The following ZNF761 variants were observed in gnomAD, a reference collection of about 807,000 sequenced individuals.
The protein encoded by ZNF761 is zinc finger protein 761.
Under a neutral mutation model 59.9 loss-of-function variants are expected in ZNF761, and 43 were observed. That is an observed-to-expected ratio of 0.72 (90% CI 0.56 to 0.92). ZNF761 has a LOEUF of 0.92. ZNF761 is among the 40% of genes least tolerant of loss of function. The pLI is 0.00. For missense variants in ZNF761, 850 were observed against 906.1 expected (o/e 0.94, Z 0.79); for synonymous variants, 294 against 304.8 (o/e 0.96, Z 0.37).
intron 1 of ZNF761, among the ~76,000 whole-genome samples, chr19:53,435,541 G>A (rs1367996015): frequency 6.6e-6 from 1 of 151,144 alleles, no homozygotes; most frequent in East Asian, 1.9e-4. Flanking sequence ...GACCTCAGGT[G>A]ATCCACCCAT....
intron 1 of ZNF761, among the ~76,000 whole-genome samples, chr19:53,432,655 T>G (rs1845712254): frequency 6.6e-6 from 1 of 152,128 alleles, no homozygotes; most frequent in African/African-American, 2.4e-5. Flanking sequence ...CTCCTGTGAC[T>G]GTGTGGGCCA....
chr19:53,450,953 A>G (rs2086216448), intron 4 of ZNF761, among the ~76,000 whole-genome samples: 1 of 150,718 alleles, frequency 6.6e-6, no homozygotes, highest in South Asian at 2.1e-4. Context: ...CGATTGCACC[A>G]CTGCACTCCA....
At chr19:53,433,137 A>G (rs1600077252) in intron 1 of ZNF761, among the ~76,000 whole-genome samples, 1 of 152,088 alleles carries the variant, frequency 6.6e-6, no homozygotes, top group African/African-American at 2.4e-5. Flanking sequence ...ACAGACTGAT[A>G]TGGGGGAGAC....
At chr19:53,445,963 C>T (rs534385230) in intron 1 of ZNF761, among the ~76,000 whole-genome samples, 5 of 152,318 alleles carry the variant, frequency 3.3e-5, no homozygotes, top group African/African-American at 1.2e-4. Flanking sequence ...ATGACTCCCT[C>T]TGCCCCAGTC....
At chr19:53,449,431 C>T in intron 3 of ZNF761, 81 bp from the exon 4 acceptor site, 4 of 1,597,618 alleles carry the variant, frequency 2.5e-6, no homozygotes, top group Non-Finnish European at 1.7e-6. Context: ...AAATCCATGC[C>T]TTCACCTCTC....
chr19:53,435,395 C>G (rs1249315081), intron 1 of ZNF761, among the ~76,000 whole-genome samples: 1 of 141,968 alleles, frequency 7.0e-6, no homozygotes, highest in Admixed American at 7.4e-5. Flanking sequence ...ACCTCCACCT[C>G]CTGGGTTCAA....
At chr19:53,435,579 A>G (rs1318889246) in intron 1 of ZNF761, among the ~76,000 whole-genome samples, 1 of 152,100 alleles carries the variant, frequency 6.6e-6, no homozygotes, top group Non-Finnish European at 1.5e-5. Flanking sequence ...CTGGAATTAC[A>G]GGCATGAGCA....
chr19:53,455,551 T>A lies in ZNF761; in HGVS notation c.1044T>A (p.His348Gln), dbSNP rs762263208. ...KSILTRHHRL[H>Q]TGEKPYKCNE... ...TCCTTACACGCCATCATCGACTTCATACTGGAGAGAAACCTTACAAGTGTA... is the reference window on the plus strand; with the variant it reads ...TCCTTACACGCCATCATCGACTTCAAACTGGAGAGAAACCTTACAAGTGTA... The change falls in exon 5 of 5, where the codon CAT becomes CAA. Residue 348 changes from histidine (H) to glutamine (Q), a missense_variant. Transcript: ENST00000684525. 8.1e-6 allele frequency: 13 copies of A among 1,611,424 alleles called. No homozygotes were observed. The highest frequency in any genetic ancestry group is 2.5e-6 in the Non-Finnish European group (3 of 1,179,148).
intron 1 of ZNF761, among the ~76,000 whole-genome samples, chr19:53,432,465 C>T (rs1480664460): frequency 6.6e-6 from 1 of 152,146 alleles, no homozygotes; most frequent in African/African-American, 2.4e-5. Context: ...GCCCCTTCAC[C>T]TCCCTCCTTG....
intron 4 of ZNF761, among the ~76,000 whole-genome samples, chr19:53,454,033 G>T (rs755752641): frequency 1.3e-5 from 2 of 151,872 alleles, no homozygotes; most frequent in South Asian, 4.1e-4. Flanking sequence ...AAGTACAGTG[G>T]TGAAATCTTG....
chr19:53,446,685 T>C lies in ZNF761; in HGVS notation c.-74+348T>C, dbSNP rs181682669. Among the ~76,000 whole-genome samples the C allele has an allele frequency of 3.0e-3, 434 of 146,964 alleles. 3 individuals carry two copies. The highest frequency in any genetic ancestry group is 0.01 in the African/African-American group (413 of 40,926). ...ACCAAGCCTGGCTCAGTTTTTTTAT[T>C]TTTCGTAGAGACAGGGTTTCACAGT... On this transcript the variant is annotated intron_variant, in intron 2 of 4. Coordinates refer to ENST00000684525, the MANE Select transcript of ZNF761 (RefSeq NM_001289951.2).
At chr19:53,454,578 C>T (rs1473493529) in intron 4 of ZNF761, 72 bp from the exon 5 acceptor site, 17 of 1,413,770 alleles carry the variant, frequency 1.2e-5, no homozygotes, top group African/African-American at 1.0e-4. Flanking sequence ...TTTTTTGTGT[C>T]GTATTTACAC....
chr19:53,441,531 C>T (rs1435716502), intron 1 of ZNF761, among the ~76,000 whole-genome samples: 1 of 151,648 alleles, frequency 6.6e-6, no homozygotes, highest in Non-Finnish European at 1.5e-5. Context: ...ACTGCAACCT[C>T]TGCCTCCTGG....
chr19:53,442,551 C>T, intron 1 of ZNF761: 4 of 683,050 alleles, frequency 5.9e-6, no homozygotes, highest in Non-Finnish European at 8.1e-6. Flanking sequence ...CAAAGAGGAA[C>T]ACCTCTGTAC....
chr19:53,441,574 G>A (rs2086100992), intron 1 of ZNF761, among the ~76,000 whole-genome samples: 1 of 151,566 alleles, frequency 6.6e-6, no homozygotes, highest in Non-Finnish European at 1.5e-5. Context: ...AACCTCCTGA[G>A]TATGTGGGAC....
intron 1 of ZNF761, among the ~76,000 whole-genome samples, chr19:53,438,338 G>A (rs949302353): frequency 6.6e-6 from 1 of 152,214 alleles, no homozygotes; most frequent in African/African-American, 2.4e-5. Flanking sequence ...GGCAGCTAAT[G>A]CCTTAAGGCA....
intron 1 of ZNF761, among the ~76,000 whole-genome samples, chr19:53,439,336 T>C (rs978023105): frequency 1.3e-5 from 2 of 151,826 alleles, no homozygotes; most frequent in Admixed American, 1.3e-4. Context: ...GATGGAGTCT[T>C]GCTCTGTCAC....
chr19:53,440,703 A>G (rs1046995901), intron 1 of ZNF761, among the ~76,000 whole-genome samples: 20 of 34,608 alleles, frequency 5.8e-4, no homozygotes, highest in Admixed American at 1.0e-3. Context: ...ATTTTGAGAC[A>G]GGGCTGGCTC....
intron 1 of ZNF761, among the ~76,000 whole-genome samples, chr19:53,440,625 A>G (rs6509766): frequency 0.69 from 104,349 of 151,796 alleles, 36,299 homozygotes; most frequent in South Asian, 0.76. Flanking sequence ...AAGTGGGGCA[A>G]TGAAGTGGGA....
Sources: gnomAD v4.1 joint callset for allele counts (sites outside exome capture counted in the v4.1 genomes callset) on GRCh38, gnomAD v4.1.1 for gene constraint, MANE v1.5 for transcripts, NCBI Gene and HGNC (gene_info 2026-07-23, HGNC 2026-07-21) for gene names.